Variants in RAPGEF6 observed in about 807,000 individuals in gnomAD.
RAPGEF6 encodes the protein Rap guanine nucleotide exchange factor 6, also known as PDZ domain containing guanine nucleotide exchange factor (GEF) 2.
RAPGEF6 carries 56 observed loss-of-function variants against 171.4 expected under a neutral mutation model. That is an observed-to-expected ratio of 0.33 (90% CI 0.26 to 0.41). RAPGEF6 has a LOEUF of 0.41. RAPGEF6 is among the 10% of genes least tolerant of loss of function. The probability of loss-of-function intolerance (pLI) is 1.00; values close to 1 mark genes in which losing one functional copy is unlikely to be tolerated. For synonymous variants in RAPGEF6, 692 were observed against 650.1 expected (o/e 1.06, Z -0.98); for missense variants, 1,674 against 1,921.4 (o/e 0.87, Z 2.41).
intron 17 of RAPGEF6, 108 bp from the exon 18 acceptor site, chr5:131,464,389 T>A (rs976668979): frequency 1.3e-6 from 1 of 794,206 alleles, no homozygotes; most frequent in Non-Finnish European, 2.1e-6. Flanking sequence ...GAAATATACA[T>A]TTCTATTTCA....
intron 15 of RAPGEF6, among the ~76,000 whole-genome samples, chr5:131,481,052 A>G (rs925534190): frequency 6.6e-6 from 1 of 151,664 alleles, no homozygotes; most frequent in Admixed American, 6.6e-5. Context: ...CTGCCTCCCA[A>G]GTAGCTGGGA....
At chr5:131,514,572 T>C (rs1051704373) in intron 7 of RAPGEF6, among the ~76,000 whole-genome samples, 12 of 152,050 alleles carry the variant, frequency 7.9e-5, no homozygotes, top group Non-Finnish European at 1.2e-4. Flanking sequence ...ACAAGAACTT[T>C]CAACATTTAC....
intron 13 of RAPGEF6, among the ~76,000 whole-genome samples, chr5:131,495,316 T>TAAAC: frequency 6.8e-6 from 1 of 148,040 alleles, no homozygotes; most frequent in African/African-American, 2.5e-5. Flanking sequence ...ATAAATACAA[T>TAAAC]AAATAAATAA....
chr5:131,455,710 T>C (rs1753444245), intron 20 of RAPGEF6, 91 bp downstream of exon 20: 6 of 1,101,720 alleles, frequency 5.4e-6, no homozygotes, highest in Non-Finnish European at 5.3e-6. Context: ...ACCAAATTAA[T>C]AGAATAGGAA....
At chr5:131,444,034 G>C (rs1342583248) in intron 22 of RAPGEF6, among the ~76,000 whole-genome samples, 1 of 152,168 alleles carries the variant, frequency 6.6e-6, no homozygotes, top group Non-Finnish European at 1.5e-5. Context: ...TCTTCCATCA[G>C]GGAGTACTTT....
At chr5:131,585,102 C>T (rs577791856) in intron 4 of RAPGEF6, among the ~76,000 whole-genome samples, 4 of 152,202 alleles carry the variant, frequency 2.6e-5, no homozygotes, top group African/African-American at 9.6e-5. Flanking sequence ...AAAACTGGCA[C>T]ACACATATGT....
rs998660276 is a variant in RAPGEF6 at position 131,508,143 on chromosome 5, T to C, written c.870A>G (p.Arg290=). ...AFANMTMSVR[R]ELCSVMIFEV... is the part of the protein sequence containing the mutation. ...CAAAAATCATCACTGAGCAGAGTTC[T>C]CTCCTTACAGACATGGTCATGTTTG... The change falls in exon 9 of 28, where the codon AGA becomes AGG. Residue 290 remains arginine (R), a synonymous_variant. Transcript: ENST00000509018. The C allele has an allele frequency of 3.7e-6, 6 of 1,613,396 alleles. No individual in the cohort carries two copies. Among genetic ancestry groups the C allele is most frequent in the Middle Eastern group, 1.6e-4 (1 of 6,082 alleles).
chr5:131,448,728 TG>T (rs1752875668), intron 21 of RAPGEF6, among the ~76,000 whole-genome samples: 1 of 152,192 alleles, frequency 6.6e-6, no homozygotes, highest in Non-Finnish European at 1.5e-5. Flanking sequence ...ATATACCTAA[TG>T]TTTGTAAGCA....
intron 24 of RAPGEF6, among the ~76,000 whole-genome samples, chr5:131,438,833 T>A (rs905573664): frequency 9.9e-5 from 15 of 152,228 alleles, no homozygotes; most frequent in African/African-American, 3.6e-4. Context: ...ATCCTAATTT[T>A]AAAAAAGGTA....
At chr5:131,597,663 C>T (rs1763980759) in intron 3 of RAPGEF6, among the ~76,000 whole-genome samples, 1 of 151,856 alleles carries the variant, frequency 6.6e-6, no homozygotes, top group South Asian at 2.1e-4. Flanking sequence ...AAGTTGATAC[C>T]ATAGAAGTGG....
At chr5:131,427,710 C>T (rs886624140) in intron 27 of RAPGEF6, among the ~76,000 whole-genome samples, 5 of 152,098 alleles carry the variant, frequency 3.3e-5, no homozygotes, top group Non-Finnish European at 5.9e-5. Context: ...TTAAAAGTAT[C>T]CCATTAGATT....
At chr5:131,517,201 C>A (rs1307255501) in intron 7 of RAPGEF6, among the ~76,000 whole-genome samples, 2 of 152,082 alleles carry the variant, frequency 1.3e-5, no homozygotes, top group African/African-American at 4.8e-5. Context: ...ATTCGAACCC[C>A]AAACACTCAG....
intron 5 of RAPGEF6, among the ~76,000 whole-genome samples, chr5:131,555,059 C>G (rs1447308504): frequency 6.6e-6 from 1 of 152,088 alleles, no homozygotes; most frequent in Non-Finnish European, 1.5e-5. Context: ...AAAAAAGAAT[C>G]TCATGTCAAA....
At chr5:131,494,595 C>T (rs982713700) in intron 13 of RAPGEF6, among the ~76,000 whole-genome samples, 4 of 151,936 alleles carry the variant, frequency 2.6e-5, no homozygotes, top group African/African-American at 9.7e-5. Context: ...GGAAAAAGGG[C>T]AAAAAGGTAG....
At chr5:131,463,804 A>T (rs1435065283) in intron 18 of RAPGEF6, 1 of 1,144,094 alleles carries the variant, frequency 8.7e-7, no homozygotes, top group Non-Finnish European at 1.1e-6. Context: ...AGTCATTCAG[A>T]TATATATGAA....
chr5:131,569,764 G>C (rs1300373623), intron 4 of RAPGEF6, among the ~76,000 whole-genome samples: 1 of 152,098 alleles, frequency 6.6e-6, no homozygotes, highest in Non-Finnish European at 1.5e-5. Flanking sequence ...AGACTGGCTG[G>C]GCACGGTGGC....
chr5:131,572,726 CA>C (rs1762379574), intron 4 of RAPGEF6, among the ~76,000 whole-genome samples: 1 of 152,136 alleles, frequency 6.6e-6, no homozygotes, highest in Non-Finnish European at 1.5e-5. Flanking sequence ...CCACTATGGG[CA>C]ACCTTCCGCC....
At position 131,594,874 on chromosome 5, in the gene RAPGEF6, T is replaced by G. The variant is rs142592411; in HGVS notation, c.198-2408A>C. Among the ~76,000 whole-genome samples the G allele has an allele frequency of 5.4e-3, 819 of 151,456 alleles. 15 individuals carry two copies. Among genetic ancestry groups the G allele is most frequent in the African/African-American group, 0.019 (793 of 41,158 alleles). On this transcript the variant is annotated intron_variant, in intron 3 of 27. Transcript: ENST00000509018. ...TTTCTACCATTTGGAACAGGAGCAT[T>G]TACCCCATGCCTGTATCTCCATTGT...
chr5:131,518,385 T>A (rs745804956), intron 7 of RAPGEF6, among the ~76,000 whole-genome samples: 30 of 142,190 alleles, frequency 2.1e-4, no homozygotes, highest in Non-Finnish European at 3.9e-4. Flanking sequence ...TTAACTGTTA[T>A]GTCAGAGTTT....
Sources: gnomAD v4.1 joint callset for allele counts (sites outside exome capture counted in the v4.1 genomes callset) on GRCh38, gnomAD v4.1.1 for gene constraint, MANE v1.5 for transcripts, NCBI Gene and HGNC (gene_info 2026-07-23, HGNC 2026-07-21) for gene names.